PDE11A: variants seen among roughly 807,000 people sequenced by gnomAD.
PDE11A encodes dual 3',5'-cyclic-AMP and -GMP phosphodiesterase 11A.
A neutral mutation model predicts 100.5 loss-of-function variants in PDE11A; 100 were observed. That is an observed-to-expected ratio of 1.00 (90% CI 0.85 to 1.18). The LOEUF (loss-of-function observed/expected upper bound fraction) is 1.18. Ranked by LOEUF, PDE11A falls within the 50% of genes most tolerant of loss-of-function variation. The pLI, the probability that PDE11A is intolerant of heterozygous loss-of-function variation, is 0.00. For missense variants in PDE11A, 1,141 were observed against 1,152.6 expected (o/e 0.99, Z 0.15); for synonymous variants, 381 against 420.8 (o/e 0.91, Z 1.16).
At chr2:177,879,252 A>C (rs1574245404) in intron 4 of PDE11A, among the ~76,000 whole-genome samples, 1 of 152,220 alleles carries the variant, frequency 6.6e-6, no homozygotes. Context: ...CCTGACTGGT[A>C]GTAACCATTT....
chr2:177,712,939 T>A (rs1229789160), intron 12 of PDE11A, among the ~76,000 whole-genome samples: 2 of 152,180 alleles, frequency 1.3e-5, no homozygotes, highest in Non-Finnish European at 2.9e-5. Context: ...CTTAGTAAAA[T>A]GAAAATTTTG....
upstream of PDE11A, among the ~76,000 whole-genome samples, chr2:178,076,870 T>C (rs1467114529): frequency 6.6e-6 from 1 of 152,200 alleles, no homozygotes; most frequent in Non-Finnish European, 1.5e-5. Context: ...CTCTCATACA[T>C]ATCTAGGGCC....
intron 6 of PDE11A, among the ~76,000 whole-genome samples, chr2:177,837,476 C>CA (rs1481369521): frequency 7.1e-6 from 1 of 141,734 alleles, no homozygotes; most frequent in South Asian, 2.3e-4. Context: ...TTCTTTCTTT[C>CA]TTTTTTTTTT....
At chr2:177,966,343 C>T (rs573436880) in intron 2 of PDE11A, among the ~76,000 whole-genome samples, 1 of 152,108 alleles carries the variant, frequency 6.6e-6, no homozygotes, top group Admixed American at 6.5e-5. Context: ...ATTTCTTTCT[C>T]TTGCTTGATT....
chr2:177,875,864 C>G lies in PDE11A; in HGVS notation c.1362G>C (p.Glu454Asp), dbSNP rs769017439. The G allele has an allele frequency of 6.2e-7, 1 of 1,608,900 alleles. No homozygotes were observed. Residue 454 changes from glutamate to aspartate, a missense_variant, in exon 5 of 20, where the codon GAG becomes GAC. Glu to Asp is a conservative substitution (Grantham distance 45). Transcript: ENST00000286063. Reference protein sequence around the residue: ...LMSPKCSADAENSFKESMEKS... With the variant: ...LMSPKCSADADNSFKESMEKS... The stretch of plus-strand genomic sequence containing the variant: ...ATGAACCCCACAAGCCCTACCTGTT[C>G]TCAGCATCAGCACTGCACTTTGGGG...
At chr2:177,717,723 G>A (rs1385887736) in intron 12 of PDE11A, among the ~76,000 whole-genome samples, 2 of 152,084 alleles carry the variant, frequency 1.3e-5, no homozygotes, top group Non-Finnish European at 2.9e-5. Flanking sequence ...TTCCTTCATT[G>A]GGCTGAAATG....
chr2:178,053,760 C>A (rs10930821), intron 1 of PDE11A, among the ~76,000 whole-genome samples: 80,336 of 151,836 alleles, frequency 0.53, 21,622 homozygotes, highest in East Asian at 0.71. Flanking sequence ...CTCCCATTCA[C>A]GATTGCTATA....
At chr2:177,809,514 C>T (rs2082917437) in intron 9 of PDE11A, among the ~76,000 whole-genome samples, 2 of 152,086 alleles carry the variant, frequency 1.3e-5, no homozygotes, top group Non-Finnish European at 2.9e-5. Context: ...CAGCTCATTA[C>T]AAAAAGAAAA....
intron 5 of PDE11A, 74 bp from the exon 6 acceptor site, chr2:177,840,457 A>G: frequency 8.0e-7 from 1 of 1,256,266 alleles, no homozygotes; most frequent in Non-Finnish European, 1.2e-6. Context: ...CCTATAAACT[A>G]CACTAATATC....
chr2:177,877,114 C>T lies in PDE11A; in HGVS notation c.1303-1191G>A, dbSNP rs568906261. ...TGACCAGGGACAAAGTTTCTCTGAG[C>T]TCTGGAGGAGGTGGCAGCAAGTTAG... On this transcript the variant is annotated intron_variant, in intron 4 of 19. Transcript: ENST00000286063. 3.4e-5 allele frequency among the ~76,000 whole-genome samples: 5 copies of T among 146,984 alleles called. No individual in the cohort carries two copies. The East Asian group carries it at 9.7e-4, about 28-fold the overall frequency.
At chr2:177,907,523 A>G (rs1015053412) in intron 2 of PDE11A, among the ~76,000 whole-genome samples, 1 of 152,224 alleles carries the variant, frequency 6.6e-6, no homozygotes, top group Non-Finnish European at 1.5e-5. Context: ...TTTTACCATT[A>G]ATCCCAGTTT....
chr2:177,733,856 C>G (rs1003846717), intron 10 of PDE11A, among the ~76,000 whole-genome samples: 26 of 152,276 alleles, frequency 1.7e-4, no homozygotes, highest in South Asian at 8.3e-4. Flanking sequence ...TTCACGAGAA[C>G]CCTAAAAGCT....
At chr2:177,644,805 G>A (rs539312437) in intron 19 of PDE11A, among the ~76,000 whole-genome samples, 6 of 152,140 alleles carry the variant, frequency 3.9e-5, no homozygotes, top group Non-Finnish European at 7.4e-5. Context: ...TGAATTATGT[G>A]GGCAGGTCTT....
chr2:178,005,144 C>T (rs902342759), intron 2 of PDE11A, among the ~76,000 whole-genome samples: 2 of 149,202 alleles, frequency 1.3e-5, no homozygotes, highest in African/African-American at 2.5e-5. Context: ...TTTACATGAA[C>T]ACCTGGAGTA....
At position 177,956,147 on chromosome 2, in the gene PDE11A, C is replaced by T. The variant is rs1490536854; in HGVS notation, c.1072-50960G>A. 6.6e-5 allele frequency among the ~76,000 whole-genome samples: 10 copies of T among 151,912 alleles called. No individual in the cohort carries two copies. In the East Asian group the frequency reaches 7.8e-4, roughly 12 times the overall value. ...AACCTACAGAATGGGAGAAAATTTT[C>T]GCAACCTACTCATCTGACAAAGGGC... On this transcript the variant is annotated intron_variant, in intron 2 of 19. Transcript: ENST00000286063.
At chr2:177,774,479 C>T (rs2082352430) in intron 9 of PDE11A, among the ~76,000 whole-genome samples, 1 of 152,200 alleles carries the variant, frequency 6.6e-6, no homozygotes, top group African/African-American at 2.4e-5. Flanking sequence ...TGAAAAGTCT[C>T]CTTTCTGGGC....
chr2:177,795,967 A>ATATATATC (rs2082701936), intron 9 of PDE11A, among the ~76,000 whole-genome samples: 1 of 116,824 alleles, frequency 8.6e-6, no homozygotes, highest in Admixed American at 8.4e-5. Flanking sequence ...ATATATATAT[A>ATATATATC]TATATATATC....
chr2:177,807,883 T>A (rs182625231), intron 9 of PDE11A, among the ~76,000 whole-genome samples: 45 of 152,332 alleles, frequency 3.0e-4, no homozygotes, highest in African/African-American at 1.1e-3. Flanking sequence ...TATTTATATA[T>A]GAAGATTAAC....
At chr2:178,088,958 T>C (rs1230657964) in intron 2 of PDE11A, among the ~76,000 whole-genome samples, 1 of 152,236 alleles carries the variant, frequency 6.6e-6, no homozygotes, top group Non-Finnish European at 1.5e-5. Context: ...CTCTGCTCTG[T>C]CAGGGTACAC....
Sources: gnomAD v4.1 joint callset for allele counts (sites outside exome capture counted in the v4.1 genomes callset) on GRCh38, gnomAD v4.1.1 for gene constraint, MANE v1.5 for transcripts, NCBI Gene and HGNC (gene_info 2026-07-23, HGNC 2026-07-21) for gene names.